Variants in RTN4RL1 observed in about 807,000 individuals in gnomAD.
RTN4RL1 encodes reticulon 4 receptor like 1.
RTN4RL1 carries 7 observed loss-of-function variants against 25.6 expected under a neutral mutation model. The observed-to-expected ratio is 0.27, with a 90% CI of 0.16 to 0.51. The LOEUF is 0.51. Among genes scored for constraint, RTN4RL1 ranks in the 20% least tolerant of loss-of-function variants. RTN4RL1 has a pLI of 0.97. For synonymous variants in RTN4RL1, 297 were observed against 288.2 expected, an observed-to-expected ratio of 1.03 and a Z score of -0.31; for missense variants, 500 against 615.6, an observed-to-expected ratio of 0.81 and a Z score of 1.99.
chr17:1,985,786 G>A (rs1354816934), intron 1 of RTN4RL1, among the ~76,000 whole-genome samples: 1 of 152,152 alleles, frequency 6.6e-6, no homozygotes, highest in Non-Finnish European at 1.5e-5. Flanking sequence ...CCCAGGTAAG[G>A]GGGATAGGAT....
intron 1 of RTN4RL1, among the ~76,000 whole-genome samples, chr17:2,010,056 G>A (rs962253831): frequency 7.8e-6 from 1 of 128,720 alleles, no homozygotes; most frequent in East Asian, 2.9e-4. Flanking sequence ...TCGAATGTCC[G>A]TCTATCAGAA....
chr17:1,965,616 G>A (rs1481527270), intron 1 of RTN4RL1, among the ~76,000 whole-genome samples: 3 of 152,142 alleles, frequency 2.0e-5, no homozygotes, highest in South Asian at 2.1e-4. Flanking sequence ...GAGCAGGGCA[G>A]GCCAGGAGCC....
At position 1,937,125 on chromosome 17, in the gene RTN4RL1, G is replaced by C. The variant is rs1915325248; in HGVS notation, c.697C>G (p.Leu233Val). 6.2e-7 allele frequency: 1 copy of C among 1,610,724 alleles called. No individual in the cohort carries two copies. The highest frequency in any genetic ancestry group is 8.5e-7 in the Non-Finnish European group (1 of 1,179,010). Reference protein sequence around the residue: ...LTTLFLFNNSLSELQGECLAP... With the variant: ...LTTLFLFNNSVSELQGECLAP... ...AGGCACTCACCCTGCAGCTCCGAGAGGCTGTTGTTGAAGAGGAAGAGGGTG... is the reference window on the plus strand; with the variant it reads ...AGGCACTCACCCTGCAGCTCCGAGACGCTGTTGTTGAAGAGGAAGAGGGTG... Residue 233 changes from leucine to valine, a missense_variant, in exon 2 of 2, where the codon CTC becomes GTC. Physicochemically the swap from Leu to Val is conservative, Grantham distance 32. Coordinates refer to ENST00000331238, the MANE Select transcript of RTN4RL1 (RefSeq NM_178568.4).
intron 1 of RTN4RL1, among the ~76,000 whole-genome samples, chr17:1,989,997 G>A (rs2066902569): frequency 6.6e-6 from 1 of 152,186 alleles, no homozygotes; most frequent in Non-Finnish European, 1.5e-5. Flanking sequence ...ACGATAGTTT[G>A]TACAACAATG....
At position 1,936,918 on chromosome 17, in the gene RTN4RL1, G is replaced by A. The variant is rs747609277; in HGVS notation, c.904C>T (p.Arg302Trp). Reference sequence around the variant, plus strand: ...GGGGACGCTGGTCCCGTGCAGTTCCGGAAGTCCTCGGCCCTCAGCAGCTTC... The same window carrying A: ...GGGGACGCTGGTCCCGTGCAGTTCCAGAAGTCCTCGGCCCTCAGCAGCTTC... ...DLKLLRAEDF[R>W]NCTGPASPHQ... Residue 302 changes from arginine to tryptophan, a missense_variant, in exon 2 of 2, where the codon CGG (arginine) becomes TGG (tryptophan). This residue lies in a region of RTN4RL1 where 268 missense variants were observed against 274.5 expected (regional missense o/e 0.98). Coordinates refer to ENST00000331238, the MANE Select transcript of RTN4RL1 (RefSeq NM_178568.4). The A allele has an allele frequency of 2.9e-5, 46 of 1,610,356 alleles. No homozygotes were observed. The highest frequency in any genetic ancestry group is 2.2e-4 in the South Asian group (20 of 90,728).
At chr17:1,947,246 G>A (rs573073604) in intron 1 of RTN4RL1, among the ~76,000 whole-genome samples, 8 of 152,348 alleles carry the variant, frequency 5.3e-5, no homozygotes, top group East Asian at 1.9e-4. Context: ...GTACCTGGGC[G>A]GGCCTGTGTT....
chr17:1,946,023 T>C (rs1915531387), intron 1 of RTN4RL1, among the ~76,000 whole-genome samples: 1 of 152,104 alleles, frequency 6.6e-6, no homozygotes, highest in African/African-American at 2.4e-5. Context: ...CCTGGCTCTA[T>C]CTGGAGGCTT....
chr17:2,006,612 C>T (rs1453075338), intron 1 of RTN4RL1, among the ~76,000 whole-genome samples: 1 of 147,364 alleles, frequency 6.8e-6, no homozygotes, highest in African/African-American at 2.5e-5. Context: ...GCCACCACGC[C>T]TGGCCAAATT....
intron 1 of RTN4RL1, among the ~76,000 whole-genome samples, chr17:1,958,318 C>A (rs1234854479): frequency 6.6e-6 from 1 of 152,232 alleles, no homozygotes. Flanking sequence ...GCCGCTGCTG[C>A]ACAGAGACCC....
chr17:1,974,346 G>A (rs940180184), intron 1 of RTN4RL1, among the ~76,000 whole-genome samples: 19 of 151,996 alleles, frequency 1.3e-4, no homozygotes, highest in African/African-American at 4.6e-4. Context: ...AGCTGAGATT[G>A]TGTCATTGCA....
intron 1 of RTN4RL1, among the ~76,000 whole-genome samples, chr17:1,981,619 C>A (rs562965051): frequency 6.6e-6 from 1 of 152,290 alleles, no homozygotes; most frequent in East Asian, 1.9e-4. Context: ...CAGCCTCACA[C>A]GAGTCACTGC....
chr17:1,948,617 G>C (rs188200602), intron 1 of RTN4RL1, among the ~76,000 whole-genome samples: 9 of 152,040 alleles, frequency 5.9e-5, no homozygotes, highest in African/African-American at 2.2e-4. Flanking sequence ...GTGGACGGGC[G>C]GACGGGCGGA....
chr17:2,024,752 CTACT>C (rs1031531345), intron 1 of RTN4RL1, 97 bp downstream of exon 1: 4 of 1,223,044 alleles, frequency 3.3e-6, no homozygotes, highest in Admixed American at 2.7e-5. Flanking sequence ...CCGCCGGGGG[CTACT>C]TCCCAGACCG....
chr17:2,012,311 T>A (rs2151326683), intron 1 of RTN4RL1, among the ~76,000 whole-genome samples: 1 of 152,328 alleles, frequency 6.6e-6, no homozygotes, highest in Admixed American at 6.5e-5. Flanking sequence ...GGCCAGTCTT[T>A]CCGTGCCTGC....
At chr17:2,004,367 CAAAAAAA>C (rs58690992) in intron 1 of RTN4RL1, among the ~76,000 whole-genome samples, 271 of 36,570 alleles carry the variant, frequency 7.4e-3, no homozygotes, top group African/African-American at 0.021. Context: ...GACTCTGTCT[CAAAAAAA>C]AAAAAAAAAA....
intron 1 of RTN4RL1, chr17:2,018,992 T>A (rs1247038907): frequency 1.3e-5 from 2 of 152,220 alleles, no homozygotes; most frequent in Non-Finnish European, 2.9e-5. Flanking sequence ...CCGAGGTGGC[T>A]GGGACTCATT....
rs2066940241 is a variant in RTN4RL1 at position 1,998,467 on chromosome 17, C to A, written c.13+26386G>T. On this transcript the variant is annotated intron_variant, in intron 1 of 1. Coordinates refer to ENST00000331238, the MANE Select transcript of RTN4RL1 (RefSeq NM_178568.4). This position sits in a 1 kb window ranked among gnomAD's most constrained non-coding sequence, Gnocchi z 4.9. ...CGGCCGGGGATCTGCGCACCCCACG[C>A]GCCCCGCTCGGGTCGGGCCTCCCCT... Among the ~76,000 whole-genome samples the A allele has an allele frequency of 6.6e-6, 1 of 151,994 alleles. No homozygotes were observed. Among genetic ancestry groups the A allele is most frequent in the Admixed American group, 6.6e-5 (1 of 15,260 alleles).
rs1201193874 is a variant in RTN4RL1 at position 1,998,037 on chromosome 17, A to ACCCCCG, written c.13+26810_13+26815dup. Among the ~76,000 whole-genome samples, 5 of 147,528 alleles carry ACCCCCG rather than the reference A, an allele frequency of 3.4e-5. No individual in the cohort carries two copies. Among genetic ancestry groups the ACCCCCG allele is most frequent in the Non-Finnish European group, 7.5e-5 (5 of 66,738 alleles). ...TCAGGGTGCCGGGCGCCCCACCCCC[A>ACCCCCG]CCCCCGCCTCCGCCCCAGGCCGCGA... On this transcript the variant is annotated intron_variant, in intron 1 of 1. Coordinates refer to ENST00000331238, the MANE Select transcript of RTN4RL1 (RefSeq NM_178568.4). This position sits in a 1 kb window ranked among gnomAD's most constrained non-coding sequence, Gnocchi z 4.9.
intron 1 of RTN4RL1, among the ~76,000 whole-genome samples, chr17:2,000,998 C>T (rs754368784): frequency 1.3e-5 from 2 of 152,024 alleles, no homozygotes; most frequent in South Asian, 2.1e-4. Context: ...TGACAGGCTG[C>T]CCTCTGTGTC....
Sources: allele counts gnomAD v4.1 joint callset (sites outside exome capture counted in the v4.1 genomes callset), GRCh38; gene constraint gnomAD v4.1.1; regional missense constraint gnomAD v4.1.1; non-coding constraint Gnocchi (gnomAD v3.1); transcripts MANE v1.5; gene names NCBI Gene and HGNC (gene_info 2026-07-23, HGNC 2026-07-21).